The following NELL2 variants were observed in gnomAD, a reference collection of about 807,000 sequenced individuals.
NELL2 encodes protein kinase C-binding protein NELL2.
A neutral mutation model predicts 109.6 loss-of-function variants in NELL2; 41 were observed. The observed-to-expected ratio is 0.37, with a 90% CI of 0.29 to 0.49. The LOEUF (loss-of-function observed/expected upper bound fraction) is 0.49. Ranked by LOEUF, NELL2 falls within the 20% of genes least tolerant of loss-of-function variation. The pLI, the probability that NELL2 is intolerant of heterozygous loss-of-function variation, is 0.98. For synonymous variants in NELL2, 355 were observed against 344.7 expected (o/e 1.03, Z -0.33); for missense variants, 900 against 1,008.3 (o/e 0.89, Z 1.45).
intron 15 of NELL2, among the ~76,000 whole-genome samples, chr12:44,591,158 C>CAAAAAGGA (rs1177642087): frequency 6.6e-6 from 1 of 152,060 alleles, no homozygotes; most frequent in Non-Finnish European, 1.5e-5. Flanking sequence ...CAAAAAGGAA[C>CAAAAAGGA]TCTAATACAC....
chr12:44,809,396 G>A (rs969987654), intron 3 of NELL2, among the ~76,000 whole-genome samples: 13 of 151,806 alleles, frequency 8.6e-5, no homozygotes, highest in African/African-American at 3.1e-4. Context: ...AAACACAATA[G>A]TCAGAAAACT....
At chr12:44,514,182 T>G (rs978602344) in intron 19 of NELL2, among the ~76,000 whole-genome samples, 2 of 151,926 alleles carry the variant, frequency 1.3e-5, no homozygotes, top group Non-Finnish European at 2.9e-5. Context: ...AGTGAAAATA[T>G]TCTTCAAATA....
At chr12:44,683,998 C>T (rs886682124) in intron 12 of NELL2, among the ~76,000 whole-genome samples, 1 of 152,152 alleles carries the variant, frequency 6.6e-6, no homozygotes, top group Non-Finnish European at 1.5e-5. Context: ...AGGAATGGTA[C>T]CAGTTCCTCC....
chr12:44,593,022 G>A (rs942641524), intron 15 of NELL2, among the ~76,000 whole-genome samples: 2 of 152,136 alleles, frequency 1.3e-5, no homozygotes, highest in Non-Finnish European at 2.9e-5. Context: ...TGCTTTGAGG[G>A]GAATGAAGGA....
chr12:44,839,718 C>A (rs1276690529), intron 2 of NELL2, among the ~76,000 whole-genome samples: 1 of 152,082 alleles, frequency 6.6e-6, no homozygotes, highest in Non-Finnish European at 1.5e-5. Context: ...GCCGTCAAGG[C>A]GATGATCATA....
At chr12:44,632,146 A>AAAAC (rs1269888133) in intron 13 of NELL2, among the ~76,000 whole-genome samples, 1 of 152,142 alleles carries the variant, frequency 6.6e-6, no homozygotes, top group Non-Finnish European at 1.5e-5. Flanking sequence ...AAGTTCTCAG[A>AAAAC]AAACTAGAAA....
intron 11 of NELL2, among the ~76,000 whole-genome samples, chr12:44,705,725 T>C (rs1371055413): frequency 6.6e-6 from 1 of 152,212 alleles, no homozygotes; most frequent in East Asian, 1.9e-4. Context: ...TTATTCTATA[T>C]TAAAACAAAG....
chr12:44,911,425 G>T (rs945693509), intron 1 of NELL2, among the ~76,000 whole-genome samples: 1 of 151,924 alleles, frequency 6.6e-6, no homozygotes, highest in South Asian at 2.1e-4. Flanking sequence ...TGGCACTGTG[G>T]TTCAGTAGTA....
At chr12:44,658,603 A>G (rs560239928) in intron 13 of NELL2, among the ~76,000 whole-genome samples, 2 of 149,380 alleles carry the variant, frequency 1.3e-5, no homozygotes, top group African/African-American at 2.5e-5. Flanking sequence ...TAAATTTCAT[A>G]TGGAACCAAA....
chr12:44,706,695 CACT>C (rs1371602727), intron 11 of NELL2, among the ~76,000 whole-genome samples: 3 of 152,024 alleles, frequency 2.0e-5, no homozygotes, highest in Admixed American at 6.6e-5. Flanking sequence ...GTTATTAGAG[CACT>C]ACTAAGCTGA....
chr12:44,816,173 A>ATT (rs749840527), intron 2 of NELL2, 37 bp from the exon 3 acceptor site: 2 of 1,510,884 alleles, frequency 1.3e-6, no homozygotes, highest in African/African-American at 2.8e-5. Context: ...GAATAGTAGA[A>ATT]TTTGATTTTA....
intron 9 of NELL2, among the ~76,000 whole-genome samples, chr12:44,717,200 G>A (rs1398281946): frequency 1.3e-5 from 2 of 152,038 alleles, no homozygotes; most frequent in Admixed American, 6.6e-5. Context: ...CTCTTTAGAG[G>A]AGAAATGTGA....
At chr12:44,898,756 T>C (rs1945624336) in intron 1 of NELL2, among the ~76,000 whole-genome samples, 1 of 152,120 alleles carries the variant, frequency 6.6e-6, no homozygotes, top group Admixed American at 6.5e-5. Flanking sequence ...GGAGAATGAA[T>C]TTGACAAATT....
chr12:44,760,266 T>A (rs533806742), intron 9 of NELL2, among the ~76,000 whole-genome samples: 73 of 152,218 alleles, frequency 4.8e-4, no homozygotes, highest in Non-Finnish European at 5.4e-4. Flanking sequence ...ACAAACAAAA[T>A]AATATAGATT....
chr12:44,880,836 CTTGTTGTTGTTGTTG>C (rs35774965), upstream of NELL2: 1 of 150,766 alleles, frequency 6.6e-6, no homozygotes, highest in Non-Finnish European at 1.5e-5. Context: ...TTGTTTTGTT[CTTGTTGTTGTTGTTG>C]TTGTTGTTGT....
At chr12:44,870,392 T>C (rs919539619) in intron 2 of NELL2, among the ~76,000 whole-genome samples, 1 of 152,256 alleles carries the variant, frequency 6.6e-6, no homozygotes, top group Non-Finnish European at 1.5e-5. Context: ...ATTTTTTAGG[T>C]ATTTCTTACA....
chr12:44,566,150 A>T (rs1943650022), intron 15 of NELL2, among the ~76,000 whole-genome samples: 1 of 152,170 alleles, frequency 6.6e-6, no homozygotes, highest in South Asian at 2.1e-4. Context: ...GCTAGTTTGA[A>T]TTACAAAGTA....
rs1002537613 is a variant in NELL2, at chr12:44,816,318, A to G, written c.185-182T>C. ...TTTATGCTATATATAATAACACAGG[A>G]CAATAAAATCACACATGAATTACTG... On this transcript the variant is annotated intron_variant, in intron 2 of 19. Coordinates refer to ENST00000429094, the MANE Select transcript of NELL2 (RefSeq NM_001145108.2). 2.6e-5 allele frequency among the ~76,000 whole-genome samples: 4 copies of G among 152,224 alleles called. No individual in the cohort carries two copies. The South Asian group carries it at 8.3e-4, about 31-fold the overall frequency.
In NELL2 at chr12:44,875,305, T is replaced by C; in HGVS notation, c.104A>G (p.Glu35Gly). 1 of 1,614,030 alleles carries C rather than the reference T, an allele frequency of 6.2e-7. No homozygotes were observed. Among genetic ancestry groups the C allele is most frequent in the East Asian group, 2.2e-5 (1 of 44,872 alleles). ...DPSLQIDVLT[E>G]LELGESTTGV... ...GGTCGTGGACTCCCCAAGTTCTAAC[T>C]CTGTTAAGACGTCAATCTGTAGGGA... The change falls in exon 2 of 20, where the codon GAG becomes GGG. Residue 35 changes from glutamate (E) to glycine (G), a missense_variant. Transcript: ENST00000429094.
Sources: allele counts gnomAD v4.1 joint callset (sites outside exome capture counted in the v4.1 genomes callset), GRCh38; gene constraint gnomAD v4.1.1; transcripts MANE v1.5; gene names NCBI Gene and HGNC (gene_info 2026-07-23, HGNC 2026-07-21).